The following PRR16 variants were observed in gnomAD, a reference collection of about 807,000 sequenced individuals.
PRR16 encodes proline rich 16, also known as protein Largen.
PRR16 carries 6 observed loss-of-function variants against 18.2 expected under a neutral mutation model. The observed-to-expected ratio is 0.33, with a 90% CI of 0.18 to 0.65. The LOEUF (loss-of-function observed/expected upper bound fraction) is 0.65. Among genes scored for constraint, PRR16 ranks in the 30% least tolerant of loss-of-function variants. The pLI, the probability that PRR16 is intolerant of heterozygous loss-of-function variation, is 0.74. For missense variants in PRR16, 412 were observed against 376.6 expected, an observed-to-expected ratio of 1.09 and a Z score of -0.78; for synonymous variants, 151 against 147.8, an observed-to-expected ratio of 1.02 and a Z score of -0.16.
intron 1 of PRR16, among the ~76,000 whole-genome samples, chr5:120,524,691 T>C (rs1461147819): frequency 6.6e-6 from 1 of 152,116 alleles, no homozygotes; most frequent in Non-Finnish European, 1.5e-5. Context: ...AATTGGGTTG[T>C]TTGTAACACA....
the PRR16 span, among the ~76,000 whole-genome samples, chr5:120,735,263 A>T: frequency 3.3e-5 from 5 of 152,160 alleles, no homozygotes; most frequent in Non-Finnish European, 7.3e-5. Flanking sequence ...ATTGATCTGT[A>T]GGCGGACATG....
chr5:120,713,202 C>T, the PRR16 span, among the ~76,000 whole-genome samples: 2 of 152,070 alleles, frequency 1.3e-5, no homozygotes, highest in Admixed American at 1.3e-4. Flanking sequence ...ACTTGGAGGA[C>T]ATAATTCTAA....
At chr5:120,490,404 G>A (rs566979829) in intron 1 of PRR16, among the ~76,000 whole-genome samples, 76 of 151,214 alleles carry the variant, frequency 5.0e-4, no homozygotes, top group African/African-American at 1.1e-3. Context: ...CATTCTTTTC[G>A]TCTTCCATCG....
chr5:120,648,033 A>G (rs1038989632), intron 1 of PRR16, among the ~76,000 whole-genome samples: 6 of 152,122 alleles, frequency 3.9e-5, no homozygotes, highest in Non-Finnish European at 7.4e-5. Flanking sequence ...TAAGGAAAAT[A>G]TGAGAAGTTT....
the PRR16 span, among the ~76,000 whole-genome samples, chr5:120,774,691 A>G: frequency 1.4e-5 from 2 of 137,984 alleles, no homozygotes; most frequent in African/African-American, 6.0e-5. Flanking sequence ...CTCTAAATCT[A>G]TATGTGATTT....
rs1756695193 is a variant in PRR16, at chr5:120,673,768, A to G, written c.160-12186A>G. Among the ~76,000 whole-genome samples, 3 of 151,764 alleles carry G rather than the reference A, an allele frequency of 2.0e-5. No individual in the cohort carries two copies. The South Asian group carries it at 6.3e-4, about 32-fold the overall frequency. On this transcript the variant is annotated intron_variant, in intron 1 of 1. Transcript: ENST00000407149. ...AGCCTGTGCAACATAGCAGAAACCC[A>G]TATCTAAAAAAAATAAAAAATAAAA...
chr5:120,766,482 T>A, the PRR16 span, among the ~76,000 whole-genome samples: 39,891 of 151,806 alleles, frequency 0.26, 5,562 homozygotes, highest in Non-Finnish European at 0.3. Context: ...ACACACTCAG[T>A]ACTAGTCAAT....
chr5:120,788,199 A>G, the PRR16 span, among the ~76,000 whole-genome samples: 1 of 152,006 alleles, frequency 6.6e-6, no homozygotes, highest in South Asian at 2.1e-4. Flanking sequence ...ACTTTCAGAT[A>G]CTAATCTCCT....
At chr5:120,692,900 G>C in the PRR16 span, among the ~76,000 whole-genome samples, 2 of 151,930 alleles carry the variant, frequency 1.3e-5, no homozygotes, top group Non-Finnish European at 2.9e-5. Context: ...TCACCAACAG[G>C]CATTTTTAAT....
chr5:120,770,696 AAAT>A, the PRR16 span, among the ~76,000 whole-genome samples: 2 of 152,108 alleles, frequency 1.3e-5, no homozygotes, highest in East Asian at 3.9e-4. Flanking sequence ...GATTTATAAA[AAAT>A]ATAGGGAGCA....
chr5:120,537,804 T>C (rs1158732613), intron 1 of PRR16, among the ~76,000 whole-genome samples: 1 of 137,348 alleles, frequency 7.3e-6, no homozygotes, highest in Non-Finnish European at 1.5e-5. Context: ...TGAGACGGAG[T>C]CTCGCTCTGT....
At chr5:120,724,560 T>G in the PRR16 span, among the ~76,000 whole-genome samples, 1 of 152,112 alleles carries the variant, frequency 6.6e-6, no homozygotes, top group Non-Finnish European at 1.5e-5. Context: ...AGAGACTGAT[T>G]AAATCACTCA....
At chr5:120,758,269 A>G in the PRR16 span, among the ~76,000 whole-genome samples, 2 of 151,326 alleles carry the variant, frequency 1.3e-5, no homozygotes, top group Non-Finnish European at 3.0e-5. Flanking sequence ...ACTGATTTTC[A>G]TAATAAGTGA....
the PRR16 span, among the ~76,000 whole-genome samples, chr5:120,758,307 A>T: frequency 6.6e-6 from 1 of 152,030 alleles, no homozygotes; most frequent in African/African-American, 2.4e-5. Flanking sequence ...ACTTCTCAAG[A>T]CTTATTGTTG....
intron 1 of PRR16, among the ~76,000 whole-genome samples, chr5:120,661,251 T>A (rs1314708984): frequency 6.6e-6 from 1 of 152,138 alleles, no homozygotes; most frequent in Non-Finnish European, 1.5e-5. Context: ...GGGTCACACT[T>A]TCTTTCCTCA....
At chr5:120,755,879 G>T in the PRR16 span, among the ~76,000 whole-genome samples, 1 of 152,232 alleles carries the variant, frequency 6.6e-6, no homozygotes, top group East Asian at 1.9e-4. Context: ...TTTACTGAAA[G>T]AAAAGTGTAC....
intron 1 of PRR16, among the ~76,000 whole-genome samples, chr5:120,619,737 T>A (rs1754625603): frequency 2.0e-5 from 3 of 152,066 alleles, no homozygotes; most frequent in Admixed American, 2.0e-4. Flanking sequence ...AACCAAAAAT[T>A]AACAGTCTAA....
At chr5:120,468,320 A>C (rs1749167262) in intron 1 of PRR16, among the ~76,000 whole-genome samples, 3 of 152,194 alleles carry the variant, frequency 2.0e-5, no homozygotes, top group African/African-American at 7.2e-5. Flanking sequence ...TTTCCATGAA[A>C]GCTAAGTCTT....
chr5:120,478,793 C>T (rs6595236), intron 1 of PRR16, among the ~76,000 whole-genome samples: 31,292 of 151,912 alleles, frequency 0.21, 3,419 homozygotes, highest in African/African-American at 0.25. Context: ...AATATATAAA[C>T]TAAAATGGGG....
Sources: allele counts gnomAD v4.1 joint callset (sites outside exome capture counted in the v4.1 genomes callset), GRCh38; gene constraint gnomAD v4.1.1; transcripts MANE v1.5; gene names NCBI Gene and HGNC (gene_info 2026-07-23, HGNC 2026-07-21).